Variants in LBH observed in about 807,000 individuals in gnomAD.
LBH encodes the protein protein LBH.
In LBH, 7 loss-of-function variants were observed where a neutral mutation model predicts 12.5. The observed-to-expected ratio is 0.56, with a 90% confidence interval of 0.32 to 1.05. LBH has a LOEUF of 1.05. LBH is among the 50% of genes least tolerant of loss of function. The pLI, the probability that LBH is intolerant of heterozygous loss-of-function variation, is 0.04. For synonymous variants in LBH, 51 were observed against 50.1 expected (o/e 1.02, Z -0.08); for missense variants, 119 against 138.9 (o/e 0.86, Z 0.72).
intron 2 of LBH, among the ~76,000 whole-genome samples, chr2:30,240,468 A>G (rs552552045): frequency 6.6e-6 from 1 of 152,278 alleles, no homozygotes; most frequent in Non-Finnish European, 1.5e-5. Flanking sequence ...TCATTCACAC[A>G]GGGCGTAGAC....
chr2:30,253,329 G>T (rs775459972), intron 2 of LBH, among the ~76,000 whole-genome samples: 1 of 152,202 alleles, frequency 6.6e-6, no homozygotes, highest in Non-Finnish European at 1.5e-5. Context: ...CTTTCTGTCT[G>T]TCTGTAAGGA....
intron 2 of LBH, among the ~76,000 whole-genome samples, chr2:30,252,046 G>A (rs1677988747): frequency 6.6e-6 from 1 of 152,182 alleles, no homozygotes; most frequent in Non-Finnish European, 1.5e-5. Context: ...CATTTGCAAA[G>A]GATGGAACTT....
At chr2:30,252,027 G>C (rs1367797271) in intron 2 of LBH, among the ~76,000 whole-genome samples, 3 of 152,116 alleles carry the variant, frequency 2.0e-5, no homozygotes, top group Non-Finnish European at 4.4e-5. Flanking sequence ...AAATGTCAAG[G>C]CTTCATTCCA....
rs1202443592 is a variant in LBH at position 30,254,933 on chromosome 2, CCA to C, written c.130-2499_130-2498del. Reference sequence around the variant, plus strand: ...TCACAGCTGCCTGGGCAGTGAAGGCCCAGAGTCTTACTCTCCCTCCCTGCTCA... The same window carrying C: ...TCACAGCTGCCTGGGCAGTGAAGGCCGAGTCTTACTCTCCCTCCCTGCTCA... On this transcript the variant is annotated intron_variant, in intron 2 of 2. Coordinates refer to ENST00000395323, the MANE Select transcript of LBH (RefSeq NM_030915.4). Among the ~76,000 whole-genome samples the C allele has an allele frequency of 2.6e-5, 4 of 152,240 alleles. No homozygotes were observed. In the South Asian group the frequency reaches 8.3e-4, roughly 31 times the overall value.
At chr2:30,238,530 G>C (rs1348237323) in intron 2 of LBH, among the ~76,000 whole-genome samples, 2 of 152,198 alleles carry the variant, frequency 1.3e-5, no homozygotes, top group Non-Finnish European at 2.9e-5. Flanking sequence ...CTGGGAGGGA[G>C]GAAGCCAGGA....
At position 30,257,431 on chromosome 2, in the gene LBH, A is replaced by G; in HGVS notation, c.130-2A>G. 6.2e-7 allele frequency: 1 copy of G among 1,613,982 alleles called. No individual in the cohort carries two copies. Among genetic ancestry groups the G allele is most frequent in the Non-Finnish European group, 8.5e-7 (1 of 1,179,878 alleles). On this transcript the variant is annotated splice_acceptor_variant, in intron 2 of 2. Transcript: ENST00000395323. LOFTEE classifies it high-confidence loss of function. The stretch of plus-strand genomic sequence containing the variant: ...CAGGCACCTGCTCTGCTTTTCTTTC[A>G]GATCTTCCCAGACCCGTCAGATTTT...
At chr2:30,253,914 C>T (rs964446115) in intron 2 of LBH, among the ~76,000 whole-genome samples, 2 of 152,140 alleles carry the variant, frequency 1.3e-5, no homozygotes, top group African/African-American at 2.4e-5. Context: ...TGGTCAAGGA[C>T]ATAGTGAGCA....
At chr2:30,232,506 T>C in intron 1 of LBH, 1 of 327,258 alleles carries the variant, frequency 3.1e-6, no homozygotes, top group Non-Finnish European at 5.6e-6. Context: ...CTGCTGGGAC[T>C]TCCTTGCTGG....
intron 2 of LBH, among the ~76,000 whole-genome samples, chr2:30,236,098 C>A (rs762038194): frequency 6.6e-6 from 1 of 152,180 alleles, no homozygotes; most frequent in Non-Finnish European, 1.5e-5. Flanking sequence ...GGTTCTCTTT[C>A]GGTTCTGGGT....
Position 30,234,806 on chromosome 2 carries a change from G to C in LBH, c.129+299G>C, listed in dbSNP as rs1677658298. Among the ~76,000 whole-genome samples, 5 of 152,186 alleles carry C rather than the reference G, an allele frequency of 3.3e-5. No homozygotes were observed. In the South Asian group the frequency reaches 1.0e-3, roughly 32 times the overall value. On this transcript the variant is annotated intron_variant, in intron 2 of 2. Transcript: ENST00000395323. Reference sequence around the variant, plus strand: ...GCCATTGTGATGAATTGACCCTACTGGCTCTGTGAACTTTGCCATTCACCG... The same window carrying C: ...GCCATTGTGATGAATTGACCCTACTCGCTCTGTGAACTTTGCCATTCACCG...
At chr2:30,243,720 G>A (rs561540263) in intron 2 of LBH, among the ~76,000 whole-genome samples, 6 of 151,982 alleles carry the variant, frequency 3.9e-5, no homozygotes, top group African/African-American at 1.4e-4. Flanking sequence ...AGTGGAGACG[G>A]GTTTCTCCAT....
At chr2:30,240,614 G>T (rs763819716) in intron 2 of LBH, among the ~76,000 whole-genome samples, 3 of 152,210 alleles carry the variant, frequency 2.0e-5, no homozygotes, top group Non-Finnish European at 4.4e-5. Flanking sequence ...CAAATCCTCT[G>T]CTTCCTTCCT....
chr2:30,241,203 C>T (rs184631956), intron 2 of LBH, among the ~76,000 whole-genome samples: 198 of 152,292 alleles, frequency 1.3e-3, no homozygotes, highest in African/African-American at 4.5e-3. Flanking sequence ...TCCCCATGGA[C>T]GTAGGCAGTG....
At chr2:30,238,885 CTTTTTTTTTTT>C (rs367954684) in intron 2 of LBH, among the ~76,000 whole-genome samples, 18 of 98,042 alleles carry the variant, frequency 1.8e-4, no homozygotes, top group Admixed American at 1.7e-3. Context: ...CCTCCCCACT[CTTTTTTTTTTT>C]TTTTTTTTTT....
At chr2:30,235,386 G>A (rs562343561) in intron 2 of LBH, among the ~76,000 whole-genome samples, 4 of 152,156 alleles carry the variant, frequency 2.6e-5, no homozygotes, top group African/African-American at 7.2e-5. Flanking sequence ...CAGGGAAGTC[G>A]AAAGGGAGTG....
intron 2 of LBH, among the ~76,000 whole-genome samples, chr2:30,242,734 G>A (rs116754638): frequency 0.011 from 1,666 of 152,152 alleles, 31 homozygotes; most frequent in African/African-American, 0.037. Flanking sequence ...ATATAATATC[G>A]TGACTATGTT....
At chr2:30,238,440 T>C (rs1445566854) in intron 2 of LBH, among the ~76,000 whole-genome samples, 1 of 152,200 alleles carries the variant, frequency 6.6e-6, no homozygotes, top group African/African-American at 2.4e-5. Context: ...CTGCCCCTTG[T>C]ATTCTTTCTG....
At chr2:30,235,817 T>A (rs1677677699) in intron 2 of LBH, among the ~76,000 whole-genome samples, 1 of 152,136 alleles carries the variant, frequency 6.6e-6, no homozygotes, top group Non-Finnish European at 1.5e-5. Context: ...CTTGGGAGGC[T>A]AAGGAGGCCC....
In LBH at chr2:30,248,652, G is replaced by C. The variant is rs552740773; in HGVS notation, c.130-8781G>C. ...CTTTCCAGAAGGTAATGATGATACA[G>C]TCAAAAAGTCGTGAATATTTGAAGT... On this transcript the variant is annotated intron_variant, in intron 2 of 2. Coordinates refer to ENST00000395323, the MANE Select transcript of LBH (RefSeq NM_030915.4). Among the ~76,000 whole-genome samples the C allele has an allele frequency of 1.8e-4, 27 of 152,272 alleles. 1 individual carries two copies. In the South Asian group the frequency reaches 5.4e-3, roughly 30 times the overall value.
Sources: gnomAD v4.1 joint callset for allele counts (sites outside exome capture counted in the v4.1 genomes callset) on GRCh38, gnomAD v4.1.1 for gene constraint, MANE v1.5 for transcripts, NCBI Gene and HGNC (gene_info 2026-07-23, HGNC 2026-07-21) for gene names.